Variants in MPP4 observed in about 807,000 individuals in gnomAD.
MPP4 encodes MAGUK p55 subfamily member 4.
Under a neutral mutation model 98.3 loss-of-function variants are expected in MPP4, and 91 were observed. That is an observed-to-expected ratio of 0.93 (90% CI 0.78 to 1.10). The LOEUF (loss-of-function observed/expected upper bound fraction) is 1.10, where lower values mean the gene tolerates loss of function less well. Ranked by LOEUF, MPP4 falls within the 50% of genes least tolerant of loss-of-function variation. The pLI is 0.00. For synonymous variants in MPP4, 261 were observed against 271.8 expected (o/e 0.96, Z 0.39); for missense variants, 744 against 792.9 (o/e 0.94, Z 0.74).
chr2:201,658,958 A>G (rs12470639), intron 15 of MPP4, among the ~76,000 whole-genome samples: 52,368 of 151,714 alleles, frequency 0.35, 10,163 homozygotes, highest in East Asian at 0.55. Context: ...GTGCAATGGC[A>G]CGATCTCGGC....
intron 11 of MPP4, among the ~76,000 whole-genome samples, chr2:201,672,684 TC>T (rs1688378204): frequency 6.6e-6 from 1 of 152,012 alleles, no homozygotes; most frequent in African/African-American, 2.4e-5. Flanking sequence ...ACATGCACCC[TC>T]CCATGACTAA....
chr2:201,655,356 C>A (rs1456643766), intron 17 of MPP4, among the ~76,000 whole-genome samples: 3 of 152,214 alleles, frequency 2.0e-5, no homozygotes, highest in Non-Finnish European at 4.4e-5. Flanking sequence ...TCGATCAGCA[C>A]CCCCATGTCC....
chr2:201,682,694 G>A, intron 8 of MPP4, 137 bp downstream of exon 8: 1 of 667,882 alleles, frequency 1.5e-6, no homozygotes, highest in Non-Finnish European at 2.6e-6. Flanking sequence ...GACAAGGTCT[G>A]GGAGCCTGGA....
intron 4 of MPP4, among the ~76,000 whole-genome samples, chr2:201,688,306 A>T (rs984434743): frequency 6.6e-6 from 1 of 152,236 alleles, no homozygotes; most frequent in Non-Finnish European, 1.5e-5. Context: ...CTCCATTCTC[A>T]TGGAGTTTAC....
chr2:201,687,405 T>G (rs1221591219), intron 4 of MPP4, 34 bp from the exon 5 acceptor site: 1 of 1,515,336 alleles, frequency 6.6e-7, no homozygotes, highest in Non-Finnish European at 9.0e-7. Context: ...TATAAAAATT[T>G]TAAAAAATCT....
At chr2:201,666,994 T>G (rs1477750381) in intron 12 of MPP4, among the ~76,000 whole-genome samples, 1 of 152,166 alleles carries the variant, frequency 6.6e-6, no homozygotes, top group Non-Finnish European at 1.5e-5. Context: ...AGTTGACCTC[T>G]AAGCCTCTGT....
In MPP4 at chr2:201,685,044, T is replaced by A. The variant is rs938403949; in HGVS notation, c.574+20A>T. On this transcript the variant is annotated intron_variant, in intron 7 of 21. Transcript: ENST00000409474. ...TTCCTGTTTTTCTGGTAACTCTCAA[T>A]CCCAGCTGCTCCAGCTTACCACTTC... The A allele has an allele frequency of 6.2e-7, 1 of 1,602,848 alleles. No homozygotes were observed. The highest frequency in any genetic ancestry group is 8.5e-7 in the Non-Finnish European group (1 of 1,174,066).
chr2:201,685,952 C>T lies in MPP4; in HGVS notation c.459G>A (p.Arg153=), dbSNP rs918591629. 1.2e-6 allele frequency: 2 copies of T among 1,612,502 alleles called. No individual in the cohort carries two copies. The highest frequency in any genetic ancestry group is 2.7e-5 in the African/African-American group (2 of 75,002). Residue 153 remains arginine, a synonymous_variant, in exon 6 of 22, where the codon AGG becomes AGA. Coordinates refer to ENST00000409474, the MANE Select transcript of MPP4 (RefSeq NM_033066.3). ...GTTGGTTTTTCACTAAACAAACAATCCTCATTGCTTCCTCACTCTCAGGGA... is the reference window on the plus strand; with the variant it reads ...GTTGGTTTTTCACTAAACAAACAATTCTCATTGCTTCCTCACTCTCAGGGA... ...DNIPESEEAM[R]IVCLVKNQQP...
chr2:201,683,243 C>T (rs1365000886), intron 7 of MPP4, among the ~76,000 whole-genome samples: 1 of 151,998 alleles, frequency 6.6e-6, no homozygotes, highest in Non-Finnish European at 1.5e-5. Flanking sequence ...CATAAGTCAA[C>T]AACAAAAAGG....
intron 11 of MPP4, among the ~76,000 whole-genome samples, chr2:201,669,978 T>G (rs190200929): frequency 4.6e-5 from 7 of 152,344 alleles, no homozygotes; most frequent in African/African-American, 1.7e-4. Context: ...GAAATCTACT[T>G]GCTTCTGGTA....
chr2:201,657,973 T>G (rs2349730), intron 16 of MPP4, among the ~76,000 whole-genome samples: 70,388 of 148,048 alleles, frequency 0.48, 16,762 homozygotes, highest in Admixed American at 0.53. Flanking sequence ...TTTTTTGTTT[T>G]TTTTTTTTCA....
At chr2:201,672,616 A>G (rs1484877897) in intron 11 of MPP4, among the ~76,000 whole-genome samples, 1 of 152,234 alleles carries the variant, frequency 6.6e-6, no homozygotes, top group Non-Finnish European at 1.5e-5. Flanking sequence ...AAGGAATACT[A>G]TAAACACCTC....
intron 18 of MPP4, chr2:201,651,180 G>A: frequency 1.0e-6 from 1 of 985,422 alleles, no homozygotes; most frequent in Non-Finnish European, 1.2e-6. Flanking sequence ...AACATCTGAT[G>A]ATATCAATAC....
At chr2:201,647,879 A>G in intron 20 of MPP4, 54 bp from the exon 21 acceptor site, 1 of 1,526,124 alleles carries the variant, frequency 6.6e-7, no homozygotes, top group Non-Finnish European at 8.9e-7. Flanking sequence ...GTTTTGAGAC[A>G]TGGTCTTGCT....
At chr2:201,666,639 GTT>G in intron 12 of MPP4, 11 of 236,712 alleles carry the variant, frequency 4.6e-5, no homozygotes, top group South Asian at 1.1e-4. Flanking sequence ...CAGGAGAATC[GTT>G]TGAACCCGGG....
intron 15 of MPP4, among the ~76,000 whole-genome samples, chr2:201,659,520 C>T (rs1377468205): frequency 1.3e-5 from 2 of 152,182 alleles, no homozygotes; most frequent in Non-Finnish European, 2.9e-5. Flanking sequence ...CTCAAATATA[C>T]AGCTCTGCTC....
At position 201,645,336 on chromosome 2, in the gene MPP4, A is replaced by T; in HGVS notation, c.1788T>A (p.Asp596Glu). The T allele has an allele frequency of 1.9e-6, 3 of 1,614,048 alleles. No individual in the cohort carries two copies. The highest frequency in any genetic ancestry group is 2.5e-6 in the Non-Finnish European group (3 of 1,179,890). Residue 596 changes from aspartate to glutamate, a missense_variant, in exon 22 of 22, where the codon GAT becomes GAA. By Grantham distance (45) the Asp-to-Glu change is conservative (BLOSUM62 2). Coordinates refer to ENST00000409474, the MANE Select transcript of MPP4 (RefSeq NM_033066.3). ...GCAAGCTGTCATTCACAATCACATG[A>T]TCAAAAAATTGGCCAAACTGAGTTT... ...RMETQFGQFF[D>E]HVIVNDSLHD...
intron 11 of MPP4, among the ~76,000 whole-genome samples, chr2:201,672,151 G>A (rs1241579223): frequency 1.3e-5 from 2 of 152,148 alleles, no homozygotes; most frequent in Admixed American, 1.3e-4. Flanking sequence ...TGACTACTGG[G>A]TAAATAATGA....
intron 6 of MPP4, among the ~76,000 whole-genome samples, chr2:201,685,584 G>C (rs1480962344): frequency 6.6e-6 from 1 of 152,122 alleles, no homozygotes; most frequent in Non-Finnish European, 1.5e-5. Flanking sequence ...TAAGGAAATA[G>C]GCAAATGCAA....
Sources: gnomAD v4.1 joint callset for allele counts (sites outside exome capture counted in the v4.1 genomes callset) on GRCh38, gnomAD v4.1.1 for gene constraint, MANE v1.5 for transcripts, NCBI Gene and HGNC (gene_info 2026-07-23, HGNC 2026-07-21) for gene names.